The following AHI1 variants were observed in gnomAD, a reference collection of about 807,000 sequenced individuals.
AHI1 encodes the protein jouberin.
In AHI1, 123 loss-of-function variants were observed where a neutral mutation model predicts 149.3. The observed-to-expected ratio is 0.82, with a 90% CI of 0.71 to 0.96. The LOEUF is 0.96. Among genes scored for constraint, AHI1 ranks in the 40% least tolerant of loss-of-function variants. AHI1 has a pLI of 0.00. For missense variants in AHI1, 1,439 were observed against 1,422.7 expected, an observed-to-expected ratio of 1.01 and a Z score of -0.18; for synonymous variants, 475 against 459.8, an observed-to-expected ratio of 1.03 and a Z score of -0.42.
At chr6:135,448,764 C>T (rs1002672193) in intron 11 of AHI1, among the ~76,000 whole-genome samples, 11 of 152,204 alleles carry the variant, frequency 7.2e-5, no homozygotes, top group East Asian at 3.9e-4. Context: ...CCAGATTTCA[C>T]GCTGAACAAA....
intron 26 of AHI1, among the ~76,000 whole-genome samples, chr6:135,312,081 T>C (rs1173146547): frequency 6.6e-6 from 1 of 152,252 alleles, no homozygotes; most frequent in Non-Finnish European, 1.5e-5. Flanking sequence ...TAATTTTGCT[T>C]CTTATTCTAT....
chr6:135,387,226 T>C (rs1005141472), intron 23 of AHI1, among the ~76,000 whole-genome samples: 6 of 152,110 alleles, frequency 3.9e-5, no homozygotes, highest in African/African-American at 1.4e-4. Flanking sequence ...GGTTGCAAAA[T>C]GGAATTATAT....
chr6:135,291,987 C>T (rs982785047), intron 27 of AHI1, among the ~76,000 whole-genome samples: 2 of 152,158 alleles, frequency 1.3e-5, no homozygotes, highest in Non-Finnish European at 2.9e-5. Context: ...CAGTCTATCT[C>T]AGCTCATTGA....
rs564708200 is a variant in AHI1, at chr6:135,403,635, A to G, written c.2988+1316T>C. ...TAAAGAGAAATAGCTTTGAATTGCT[A>G]GTCAGAAAATAAATTGTATTTTTGC... On this transcript the variant is annotated intron_variant, in intron 22 of 28. Coordinates refer to ENST00000265602, the MANE Select transcript of AHI1 (RefSeq NM_001134831.2). 7.2e-5 allele frequency among the ~76,000 whole-genome samples: 11 copies of G among 152,308 alleles called. 1 individual carries two copies. Among genetic ancestry groups the G allele is most frequent in the Non-Finnish European group, 1.5e-4 (10 of 68,020 alleles).
chr6:135,402,647 A>G (rs915083915), intron 22 of AHI1, among the ~76,000 whole-genome samples: 1 of 152,020 alleles, frequency 6.6e-6, no homozygotes, highest in Non-Finnish European at 1.5e-5. Flanking sequence ...GTGAAATAGC[A>G]AGACCAAACC....
chr6:135,387,855 C>A, intron 23 of AHI1: 2 of 1,488,730 alleles, frequency 1.3e-6, no homozygotes, highest in Non-Finnish European at 1.8e-6. Flanking sequence ...TTGATTCTGA[C>A]AATTCTATGA....
chr6:135,357,580 A>G (rs1793189230), intron 24 of AHI1, among the ~76,000 whole-genome samples: 1 of 152,222 alleles, frequency 6.6e-6, no homozygotes, highest in African/African-American at 2.4e-5. Context: ...TAAGAGTAGG[A>G]TTAGGGAATG....
chr6:135,387,977 G>T, intron 23 of AHI1: 2 of 1,613,632 alleles, frequency 1.2e-6, no homozygotes, highest in Non-Finnish European at 8.5e-7. Context: ...GGCTGACCCT[G>T]AGTCTAGTGC....
chr6:135,372,287 GAAGAAAT>G (rs1775178907), intron 23 of AHI1, among the ~76,000 whole-genome samples: 1 of 152,180 alleles, frequency 6.6e-6, no homozygotes. Context: ...GCCTGAAGAA[GAAGAAAT>G]AAACTAGAAC....
chr6:135,328,578 C>G lies in AHI1; in HGVS notation c.3166-5254G>C, dbSNP rs540742020. On this transcript the variant is annotated intron_variant, in intron 24 of 28. Coordinates refer to ENST00000265602, the MANE Select transcript of AHI1 (RefSeq NM_001134831.2). ...CCAACCAACCTCCACCCTCTTACCC[C>G]CTACCACCAGGTCTCTCTCCCCTTC... is the stretch of plus-strand genomic sequence containing the variant. Among the ~76,000 whole-genome samples, 111 of 152,128 alleles carry G rather than the reference C, an allele frequency of 7.3e-4. 1 individual carries two copies. Among genetic ancestry groups the G allele is most frequent in the African/African-American group, 2.6e-3 (109 of 41,480 alleles).
At chr6:135,496,130 T>C (rs767861838) in intron 2 of AHI1, among the ~76,000 whole-genome samples, 3 of 152,162 alleles carry the variant, frequency 2.0e-5, no homozygotes, top group Non-Finnish European at 4.4e-5. Context: ...AATTTTTTTT[T>C]TTTGGAGACA....
intron 5 of AHI1, among the ~76,000 whole-genome samples, chr6:135,484,191 T>C (rs1794142667): frequency 6.6e-6 from 1 of 152,104 alleles, no homozygotes; most frequent in African/African-American, 2.4e-5. Flanking sequence ...AAAGACCTGC[T>C]CCCATGATTC....
chr6:135,352,140 C>T (rs145715745), intron 24 of AHI1, among the ~76,000 whole-genome samples: 77 of 152,304 alleles, frequency 5.1e-4, no homozygotes, highest in African/African-American at 1.7e-3. Flanking sequence ...TTCTTCCTAA[C>T]GCCACCACCT....
chr6:135,334,331 C>G (rs963205197), intron 24 of AHI1, among the ~76,000 whole-genome samples: 3 of 152,150 alleles, frequency 2.0e-5, no homozygotes, highest in Non-Finnish European at 2.9e-5. Context: ...CCCCAGAGAG[C>G]TTCCCTGCCC....
intron 21 of AHI1, among the ~76,000 whole-genome samples, chr6:135,410,203 C>CA (rs1274702093): frequency 6.6e-6 from 1 of 151,900 alleles, no homozygotes; most frequent in East Asian, 1.9e-4. Flanking sequence ...CCTGTCTCTA[C>CA]AAAAAAAATT....
rs1412769599 is a variant in AHI1 at position 135,427,163 on chromosome 6, T to C, written c.2764+4A>G. 6.2e-7 allele frequency: 1 copy of C among 1,608,702 alleles called. No individual in the cohort carries two copies. Among genetic ancestry groups the C allele is most frequent in the Admixed American group, 1.7e-5 (1 of 59,588 alleles). ...ATTCTTTACTTATCAAGTGGTAGAC[T>C]TACCATGGAAATCGTAAATATACAG... On this transcript the variant is annotated splice_donor_region_variant and intron_variant, in intron 20 of 28. Transcript: ENST00000265602.
chr6:135,395,945 C>A (rs1463709027), intron 22 of AHI1, among the ~76,000 whole-genome samples: 1 of 151,708 alleles, frequency 6.6e-6, no homozygotes, highest in African/African-American at 2.4e-5. Flanking sequence ...CTGTATAAGA[C>A]AATACTGGGC....
intron 20 of AHI1, among the ~76,000 whole-genome samples, chr6:135,412,333 A>C (rs1319047967): frequency 1.3e-5 from 2 of 152,222 alleles, no homozygotes; most frequent in East Asian, 3.8e-4. Flanking sequence ...AAGTGACTTT[A>C]GCATCCATAG....
Position 135,461,048 on chromosome 6 carries a change from GA to G in AHI1, c.931+2076del, listed in dbSNP as rs531827741. Among the ~76,000 whole-genome samples, 259 of 150,698 alleles carry G rather than the reference GA, an allele frequency of 1.7e-3. 6 individuals carry two copies. Among genetic ancestry groups the G allele is most frequent in the Middle Eastern group, 6.8e-3 (2 of 294 alleles). On this transcript the variant is annotated intron_variant, in intron 8 of 28. Coordinates refer to ENST00000265602, the MANE Select transcript of AHI1 (RefSeq NM_001134831.2). ...TAAATCACAGCACTTACCATCAAAG[GA>G]AAAAAATGGATAAACTGGACAATAC...
Sources: allele counts gnomAD v4.1 joint callset (sites outside exome capture counted in the v4.1 genomes callset), GRCh38; gene constraint gnomAD v4.1.1; transcripts MANE v1.5; gene names NCBI Gene and HGNC (gene_info 2026-07-23, HGNC 2026-07-21).